The following TRIOBP variants were observed in gnomAD, a reference collection of about 807,000 sequenced individuals.
The protein encoded by TRIOBP is TRIO and F-actin binding protein.
TRIOBP carries 169 observed loss-of-function variants against 238.8 expected under a neutral mutation model. That is an observed-to-expected ratio of 0.71 (90% CI 0.62 to 0.80). The LOEUF (loss-of-function observed/expected upper bound fraction) is 0.80, where lower values mean the gene tolerates loss of function less well. Among genes scored for constraint, TRIOBP ranks in the 30% least tolerant of loss-of-function variants. The probability of loss-of-function intolerance (pLI) is 0.00; values close to 1 mark genes in which losing one functional copy is unlikely to be tolerated. For missense variants in TRIOBP, 2,838 were observed against 3,122.6 expected, an observed-to-expected ratio of 0.91 and a Z score of 2.17; for synonymous variants, 1,150 against 1,274.4, an observed-to-expected ratio of 0.90 and a Z score of 2.08.
chr22:37,731,394 GC>G (rs1297895440), intron 7 of TRIOBP, among the ~76,000 whole-genome samples: 1 of 151,660 alleles, frequency 6.6e-6, no homozygotes, highest in Non-Finnish European at 1.5e-5. Flanking sequence ...TCTGACCTCA[GC>G]CTCCCCAAGT....
chr22:37,699,847 C>G (rs141220332), intron 2 of TRIOBP, among the ~76,000 whole-genome samples: 1 of 148,204 alleles, frequency 6.7e-6, no homozygotes, highest in African/African-American at 2.5e-5. Context: ...GGCCAGGAAT[C>G]GCTTCTTTAT....
chr22:37,726,696 T>A, intron 7 of TRIOBP, 193 bp downstream of exon 7: 2 of 604,910 alleles, frequency 3.3e-6, no homozygotes, highest in Non-Finnish European at 5.4e-6. Context: ...TGTGTGTGTG[T>A]GGTTAAGTGA....
At position 37,757,604 on chromosome 22, in the gene TRIOBP, G is replaced by C. The variant is rs757152906; in HGVS notation, c.5688-9G>C. ...GGACCCACCTGACGTGGCTCTGCTG[G>C]TGCCCTAGGCTCTCGGACTCTAACA... On this transcript the variant is annotated splice_polypyrimidine_tract_variant and intron_variant, in intron 15 of 23. Coordinates refer to ENST00000644935, the MANE Select transcript of TRIOBP (RefSeq NM_001039141.3). 62 of 1,573,068 alleles carry C rather than the reference G, an allele frequency of 3.9e-5. No homozygotes were observed. The South Asian group carries it at 6.8e-4, about 17-fold the overall frequency.
At chr22:37,757,073 G>C (rs1415789750) in intron 15 of TRIOBP, among the ~76,000 whole-genome samples, 2 of 152,144 alleles carry the variant, frequency 1.3e-5, no homozygotes, top group African/African-American at 4.8e-5. Flanking sequence ...GCTCAAAGAG[G>C]GCAAAGAGAC....
At chr22:37,700,741 G>T (rs1289939013) in intron 2 of TRIOBP, among the ~76,000 whole-genome samples, 3 of 152,060 alleles carry the variant, frequency 2.0e-5, no homozygotes, top group Non-Finnish European at 4.4e-5. Flanking sequence ...GCCCAGGCTG[G>T]AGTGCAATGG....
At chr22:37,771,601 G>C in intron 21 of TRIOBP, 49 bp from the exon 22 acceptor site, 1 of 1,551,492 alleles carries the variant, frequency 6.4e-7, no homozygotes, top group South Asian at 1.1e-5. Flanking sequence ...TATGGGCCAG[G>C]GTAGCTCTGG....
chr22:37,761,871 C>G (rs1926261679), intron 17 of TRIOBP, among the ~76,000 whole-genome samples: 1 of 151,904 alleles, frequency 6.6e-6, no homozygotes, highest in Non-Finnish European at 1.5e-5. Flanking sequence ...TGTAGCCTCC[C>G]ACCCTGAGGC....
chr22:37,715,670 CT>C, intron 5 of TRIOBP, 92 bp from the exon 6 acceptor site: 1 of 1,451,268 alleles, frequency 6.9e-7, no homozygotes, highest in Non-Finnish European at 9.4e-7. Context: ...TGCCAATTCC[CT>C]TCCCTTCCTT....
chr22:37,741,123 GT>G (rs1924915746), intron 11 of TRIOBP, 91 bp downstream of exon 11: 2 of 1,506,200 alleles, frequency 1.3e-6, no homozygotes, highest in Non-Finnish European at 1.8e-6. Context: ...AGGAGAGAGA[GT>G]GGGGGCTGAG....
rs1036365325 is a variant in TRIOBP at position 37,725,384 on chromosome 22, A to G, written c.2828A>G (p.Gln943Arg). The change falls in exon 7 of 24, where the codon CAA (glutamine) becomes CGA (arginine). Residue 943 changes from glutamine to arginine, a missense_variant. By Grantham distance (43) the Gln-to-Arg change is conservative. Around this residue, in one of 5 missense-constraint regions of TRIOBP, gnomAD observed 2,096 missense variants for 2,137.4 expected, o/e 0.98. Coordinates refer to ENST00000644935, the MANE Select transcript of TRIOBP (RefSeq NM_001039141.3). The stretch of plus-strand genomic sequence containing the variant: ...GCATCCATCGCCCTCCGGCCAACCC[A>G]AGGTGACAGGCCTCAGACATCCTCT... ...PWASIALRPT[Q>R]GDRPQTSSPS... 6.2e-6 allele frequency: 10 copies of G among 1,611,792 alleles called. No individual in the cohort carries two copies. The highest frequency in any genetic ancestry group is 1.7e-5 in the Admixed American group (1 of 59,936).
In TRIOBP at chr22:37,734,814, C is replaced by CTGCCCACT. The variant is rs1417285603; in HGVS notation, c.4478_4479insTGCCCACT (p.Trp1494AlafsTer16). The CTGCCCACT allele has an allele frequency of 2.5e-6, 4 of 1,612,278 alleles. No individual in the cohort carries two copies. The South Asian group carries it at 4.4e-5, about 18-fold the overall frequency. On this transcript the variant is annotated frameshift_variant, in exon 9 of 24. Coordinates refer to ENST00000644935, the MANE Select transcript of TRIOBP (RefSeq NM_001039141.3). LOFTEE classifies it high-confidence loss of function. Reference sequence around the variant, plus strand: ...AAGGAGAGCTGGGGGCAGCCAGAGGCCTGGGAGGAGAAGCCCACTCATGAG... The same window carrying CTGCCCACT: ...AAGGAGAGCTGGGGGCAGCCAGAGGCTGCCCACTCTGGGAGGAGAAGCCCACTCATGAG...
intron 7 of TRIOBP, among the ~76,000 whole-genome samples, chr22:37,727,537 G>A (rs1303368476): frequency 2.6e-5 from 4 of 151,910 alleles, no homozygotes; most frequent in African/African-American, 9.7e-5. Flanking sequence ...GCATGGTGGC[G>A]GGCGCCTGTA....
intron 18 of TRIOBP, 104 bp downstream of exon 18, chr22:37,765,921 C>T (rs930225889): frequency 2.4e-5 from 34 of 1,400,344 alleles, no homozygotes; most frequent in South Asian, 2.0e-4. Flanking sequence ...ATGTAGGGGT[C>T]TCAGTGCCAC....
chr22:37,749,312 G>A (rs534944679), intron 11 of TRIOBP, among the ~76,000 whole-genome samples: 23 of 152,222 alleles, frequency 1.5e-4, no homozygotes, highest in Non-Finnish European at 1.9e-4. Context: ...CCGAGATGGC[G>A]CCATTGCACT....
intron 11 of TRIOBP, among the ~76,000 whole-genome samples, chr22:37,743,064 C>A (rs1925019853): frequency 6.6e-6 from 1 of 152,182 alleles, no homozygotes; most frequent in African/African-American, 2.4e-5. Flanking sequence ...CTCTCTGAGC[C>A]CTCCTGCAGC....
intron 17 of TRIOBP, 149 bp downstream of exon 17, chr22:37,759,413 A>G (rs758245141): frequency 7.7e-7 from 1 of 1,300,972 alleles, no homozygotes; most frequent in Non-Finnish European, 1.1e-6. Context: ...TACTCTCCCC[A>G]CAGCTGGTGG....
rs1172205426 is a variant in TRIOBP, at chr22:37,723,231, C to G, written c.675C>G (p.Leu225=). The part of the protein sequence containing the change: ...GRSAGQHWAR[L]RGESGLSLER... The stretch of plus-strand genomic sequence containing the variant: ...GCGCAGGACAGCACTGGGCAAGGCT[C>G]CGGGGAGAAAGCGGGTTGTCCCTGG... Residue 225 remains leucine, a synonymous_variant, in exon 7 of 24, where the codon CTC becomes CTG. Transcript: ENST00000644935. The G allele has an allele frequency of 6.2e-7, 1 of 1,613,866 alleles. No homozygotes were observed. Among genetic ancestry groups the G allele is most frequent in the Non-Finnish European group, 8.5e-7 (1 of 1,179,940 alleles).
At chr22:37,726,711 A>G in intron 7 of TRIOBP, 1 of 568,388 alleles carries the variant, frequency 1.8e-6, no homozygotes, top group African/African-American at 1.9e-5. Context: ...AAGTGATGTC[A>G]TGCACAGCCC....
chr22:37,755,747 A>AGC, intron 15 of TRIOBP, 88 bp downstream of exon 15: 1 of 1,097,726 alleles, frequency 9.1e-7, no homozygotes, highest in Non-Finnish European at 1.4e-6. Flanking sequence ...TGAGGGCTGC[A>AGC]CCTTTCTGGG....
Sources: allele counts gnomAD v4.1 joint callset (sites outside exome capture counted in the v4.1 genomes callset), GRCh38; gene constraint gnomAD v4.1.1; regional missense constraint gnomAD v4.1.1; transcripts MANE v1.5; gene names NCBI Gene and HGNC (gene_info 2026-07-23, HGNC 2026-07-21).